The following RNF150 variants were observed in gnomAD, a reference collection of about 807,000 sequenced individuals.
The protein encoded by RNF150 is ring finger protein 150.
In RNF150, 24 loss-of-function variants were observed where a neutral mutation model predicts 39.3. The observed-to-expected ratio is 0.61, with a 90% CI of 0.44 to 0.86. The LOEUF is 0.86. Ranked by LOEUF, RNF150 falls within the 40% of genes least tolerant of loss-of-function variation. The pLI is 0.00. For synonymous variants in RNF150, 255 were observed against 227.3 expected, an observed-to-expected ratio of 1.12 and a Z score of -1.10; for missense variants, 502 against 587.8, an observed-to-expected ratio of 0.85 and a Z score of 1.51.
intron 4 of RNF150, among the ~76,000 whole-genome samples, chr4:140,931,788 G>A (rs1264108026): frequency 6.6e-6 from 1 of 152,230 alleles, no homozygotes; most frequent in East Asian, 1.9e-4. Context: ...CCCGAAAACA[G>A]AGGATGCAGA....
At chr4:141,156,631 C>T (rs1177443363) in intron 1 of RNF150, among the ~76,000 whole-genome samples, 2 of 151,090 alleles carry the variant, frequency 1.3e-5, no homozygotes, top group Non-Finnish European at 2.9e-5. Flanking sequence ...CAGTGGCTCA[C>T]ACCTGTAATC....
chr4:140,891,972 C>T (rs1391704648), intron 6 of RNF150, among the ~76,000 whole-genome samples: 2 of 152,158 alleles, frequency 1.3e-5, no homozygotes, highest in East Asian at 3.9e-4. Context: ...ACCACCGTCC[C>T]CCCAACCACC....
chr4:140,908,741 A>AT (rs1258677971), intron 6 of RNF150, among the ~76,000 whole-genome samples: 1 of 152,248 alleles, frequency 6.6e-6, no homozygotes, highest in South Asian at 2.1e-4. Flanking sequence ...TTTTTGATGT[A>AT]TTTTAACCCA....
intron 1 of RNF150, among the ~76,000 whole-genome samples, chr4:141,035,509 A>T (rs1268644616): frequency 6.6e-6 from 1 of 152,176 alleles, no homozygotes; most frequent in Non-Finnish European, 1.5e-5. Flanking sequence ...ATGCGATCCT[A>T]TGCCCCAAGT....
intron 6 of RNF150, among the ~76,000 whole-genome samples, chr4:140,871,336 C>G (rs1293353323): frequency 6.6e-6 from 1 of 151,690 alleles, no homozygotes; most frequent in Non-Finnish European, 1.5e-5. Context: ...TACAATTCTT[C>G]AAATTGTTTT....
At chr4:141,164,183 C>A (rs967863807) in intron 1 of RNF150, among the ~76,000 whole-genome samples, 4 of 149,752 alleles carry the variant, frequency 2.7e-5, no homozygotes, top group Non-Finnish European at 4.4e-5. Context: ...CTGAATTGAT[C>A]AAGCAGAAGA....
chr4:141,084,838 C>T (rs1037037515), intron 1 of RNF150, among the ~76,000 whole-genome samples: 9 of 152,146 alleles, frequency 5.9e-5, no homozygotes, highest in Non-Finnish European at 1.0e-4. Flanking sequence ...AAAGACATTC[C>T]TTATAATGTG....
At chr4:140,910,703 C>CGG (rs1560960489) in intron 6 of RNF150, among the ~76,000 whole-genome samples, 1 of 151,264 alleles carries the variant, frequency 6.6e-6, no homozygotes, top group African/African-American at 2.4e-5. Context: ...CTCGGGGCTC[C>CGG]AGTGTGTGTG....
intron 1 of RNF150, among the ~76,000 whole-genome samples, chr4:141,078,748 C>CAT (rs1339954780): frequency 2.1e-5 from 3 of 141,098 alleles, no homozygotes; most frequent in Non-Finnish European, 4.5e-5. Flanking sequence ...CGAGATCGTG[C>CAT]CACTGCACTC....
intron 1 of RNF150, among the ~76,000 whole-genome samples, chr4:141,027,443 A>G (rs1054962392): frequency 5.9e-5 from 9 of 152,232 alleles, no homozygotes; most frequent in Non-Finnish European, 1.0e-4. Context: ...GAAAAGCCTC[A>G]GTCCTGCTCT....
At chr4:140,873,417 C>A (rs1180046210) in intron 6 of RNF150, among the ~76,000 whole-genome samples, 1 of 147,440 alleles carries the variant, frequency 6.8e-6, no homozygotes, top group Non-Finnish European at 1.5e-5. Context: ...GTAATCCCCC[C>A]AAAGAGCCTG....
chr4:140,920,374 A>G (rs369933629), intron 5 of RNF150, among the ~76,000 whole-genome samples: 12 of 147,750 alleles, frequency 8.1e-5, no homozygotes, highest in South Asian at 2.3e-4. Flanking sequence ...AAAAGTGGGC[A>G]AAGGACATGA....
At chr4:140,980,972 C>T (rs1370206597) in intron 1 of RNF150, among the ~76,000 whole-genome samples, 2 of 152,112 alleles carry the variant, frequency 1.3e-5, no homozygotes, top group Admixed American at 6.6e-5. Flanking sequence ...ATAATTTCTA[C>T]GTGTAAGTAT....
At chr4:141,146,668 C>T (rs1727205356) in intron 1 of RNF150, among the ~76,000 whole-genome samples, 1 of 152,158 alleles carries the variant, frequency 6.6e-6, no homozygotes. Context: ...GTACTCTCAT[C>T]CCTTTGCCAA....
intron 1 of RNF150, among the ~76,000 whole-genome samples, chr4:141,070,775 C>T (rs1737664095): frequency 6.8e-6 from 1 of 146,996 alleles, no homozygotes; most frequent in Non-Finnish European, 1.5e-5. Context: ...CACTTTTACA[C>T]TGTTGGTGGG....
rs1254844716 is a variant in RNF150 at position 140,866,939 on chromosome 4, A to G, written c.*1322T>C. ...TGAATAAAAACAGAAACAGTTTAAAAACACCATTGGGTTTCAGTATTTACT... is the reference window on the plus strand; with the variant it reads ...TGAATAAAAACAGAAACAGTTTAAAGACACCATTGGGTTTCAGTATTTACT... On this transcript the variant is annotated 3_prime_UTR_variant, in exon 7 of 7. Coordinates refer to ENST00000515673, the MANE Select transcript of RNF150 (RefSeq NM_020724.2). 3 of 152,208 alleles carry G rather than the reference A, an allele frequency of 2.0e-5. No individual in the cohort carries two copies. Among genetic ancestry groups the G allele is most frequent in the African/African-American group, 7.2e-5 (3 of 41,442 alleles). The allele number at this position is 152,208 out of a possible 1,614,324, so 9.4% of individuals were successfully genotyped here.
At chr4:140,937,192 T>C (rs1400113381) in intron 4 of RNF150, among the ~76,000 whole-genome samples, 1 of 152,218 alleles carries the variant, frequency 6.6e-6, no homozygotes, top group Admixed American at 6.5e-5. Context: ...TGCTGAACAA[T>C]GTTGGAGGGT....
rs3733480 is a variant in RNF150 at position 140,862,836 on chromosome 4, C to T, written c.*5425G>A. 12,274 of 152,122 alleles carry T rather than the reference C, an allele frequency of 0.081. 831 individuals carry two copies. Among genetic ancestry groups the T allele is most frequent in the East Asian group, 0.4 (2,074 of 5,172 alleles). The allele number at this position is 152,122 out of a possible 1,614,324, so 9.4% of individuals were successfully genotyped here. Reference sequence around the variant, plus strand: ...GATGAGCATTTACTTGGGGACAGCACGCACATTTTGTTAAGCACAGAAGCT... The same window carrying T: ...GATGAGCATTTACTTGGGGACAGCATGCACATTTTGTTAAGCACAGAAGCT... On this transcript the variant is annotated 3_prime_UTR_variant, in exon 7 of 7. Coordinates refer to ENST00000515673, the MANE Select transcript of RNF150 (RefSeq NM_020724.2).
At position 140,865,351 on chromosome 4, in the gene RNF150, T is replaced by C. The variant is rs771817461; in HGVS notation, c.*2910A>G. The C allele has an allele frequency of 3.5e-4, 54 of 152,468 alleles. No homozygotes were observed. The highest frequency in any genetic ancestry group is 5.0e-4 in the Non-Finnish European group (34 of 68,022). The allele number at this position is 152,468 out of a possible 1,614,324, so 9.4% of individuals were successfully genotyped here. A position where few individuals can be genotyped will look rare whatever the true frequency, so the allele number is the denominator to read the frequency against. On this transcript the variant is annotated 3_prime_UTR_variant, in exon 7 of 7. Transcript: ENST00000515673. ...TGTTGGACAGTGCTAGTCTAGACTC[T>C]TGCTATAGAAAAATGCACATCTGCA...
Sources: gnomAD v4.1 joint callset for allele counts (sites outside exome capture counted in the v4.1 genomes callset) on GRCh38, gnomAD v4.1.1 for gene constraint, MANE v1.5 for transcripts, NCBI Gene and HGNC (gene_info 2026-07-23, HGNC 2026-07-21) for gene names.